The following DNAH7 variants were observed in gnomAD, a reference collection of about 807,000 sequenced individuals.
DNAH7 encodes axonemal beta dynein heavy chain 7.
In DNAH7, 397 loss-of-function variants were observed where a neutral mutation model predicts 444.6. The ratio of observed to expected loss-of-function variants is 0.89; its 90% CI spans 0.82 to 0.97. The LOEUF (loss-of-function observed/expected upper bound fraction) is 0.97, where lower values mean the gene tolerates loss of function less well. Ranked by LOEUF, DNAH7 falls within the 50% of genes least tolerant of loss-of-function variation. DNAH7 has a pLI of 0.00. For missense variants in DNAH7, 4,902 were observed against 4,800.8 expected, an observed-to-expected ratio of 1.02 and a Z score of -0.62; for synonymous variants, 1,636 against 1,624.4, an observed-to-expected ratio of 1.01 and a Z score of -0.17.
intron 51 of DNAH7, among the ~76,000 whole-genome samples, chr2:195,815,668 CTTTCT>C (rs939889782): frequency 6.6e-5 from 10 of 152,194 alleles, no homozygotes; most frequent in Non-Finnish European, 1.5e-4. Context: ...TTATTAATTA[CTTTCT>C]TTTTTCAAAA....
At chr2:196,051,143 T>C in intron 3 of DNAH7, 44 bp downstream of exon 3, 1 of 1,558,718 alleles carries the variant, frequency 6.4e-7, no homozygotes, top group Non-Finnish European at 8.8e-7. Flanking sequence ...ATAAACATTT[T>C]TTGAAGCACA....
intron 63 of DNAH7, among the ~76,000 whole-genome samples, chr2:195,745,240 G>T (rs545502556): frequency 6.6e-6 from 1 of 152,212 alleles, no homozygotes; most frequent in African/African-American, 2.4e-5. Context: ...CGATCAACTG[G>T]AAGAAAGGGT....
chr2:195,806,649 C>T (rs1696725312), intron 54 of DNAH7, 91 bp downstream of exon 54: 2 of 1,025,456 alleles, frequency 2.0e-6, no homozygotes, highest in Non-Finnish European at 2.9e-6. Flanking sequence ...CTCTACCTCC[C>T]CCATGATTAC....
At chr2:195,964,573 C>G (rs955867081) in intron 17 of DNAH7, among the ~76,000 whole-genome samples, 2 of 132,676 alleles carry the variant, frequency 1.5e-5, no homozygotes, top group African/African-American at 5.7e-5. Flanking sequence ...TTTCCAACTA[C>G]AAGATCATAT....
chr2:196,045,407 C>A (rs1039406068), intron 5 of DNAH7, among the ~76,000 whole-genome samples: 7 of 151,650 alleles, frequency 4.6e-5, no homozygotes, highest in African/African-American at 1.7e-4. Context: ...AAAGAAAGAG[C>A]AAACTACTAA....
intron 47 of DNAH7, among the ~76,000 whole-genome samples, chr2:195,841,863 T>C (rs1009652261): frequency 6.6e-6 from 1 of 151,946 alleles, no homozygotes; most frequent in African/African-American, 2.4e-5. Flanking sequence ...CTAGAGAGGA[T>C]TGTTATTTGG....
At chr2:195,924,661 T>C (rs553192263) in intron 22 of DNAH7, among the ~76,000 whole-genome samples, 8 of 148,600 alleles carry the variant, frequency 5.4e-5, no homozygotes, top group Non-Finnish European at 1.0e-4. Context: ...GAGGTCCTGA[T>C]TCTGACTGTT....
intron 47 of DNAH7, among the ~76,000 whole-genome samples, chr2:195,838,151 C>A (rs1174863266): frequency 2.0e-5 from 3 of 152,080 alleles, no homozygotes; most frequent in South Asian, 2.1e-4. Flanking sequence ...GCTTACAAAT[C>A]TGAACTGACA....
At chr2:195,936,007 A>G (rs1483513371) in intron 20 of DNAH7, among the ~76,000 whole-genome samples, 2 of 152,220 alleles carry the variant, frequency 1.3e-5, no homozygotes, top group African/African-American at 4.8e-5. Flanking sequence ...GCAAACCATC[A>G]TGAGAGCAGT....
At chr2:195,758,570 C>T (rs1314785505) in intron 61 of DNAH7, among the ~76,000 whole-genome samples, 1 of 152,192 alleles carries the variant, frequency 6.6e-6, no homozygotes, top group African/African-American at 2.4e-5. Flanking sequence ...AAAGCAACTT[C>T]ATAAGAACCA....
intron 2 of DNAH7, among the ~76,000 whole-genome samples, chr2:196,053,901 G>A (rs1262644222): frequency 6.6e-6 from 1 of 152,214 alleles, no homozygotes; most frequent in Non-Finnish European, 1.5e-5. Context: ...GGAGTTAAGA[G>A]CTGGTGTGCT....
rs139262062 is a variant in DNAH7, at chr2:195,775,942, G to C, written c.11106C>G (p.Thr3702=). Residue 3702 remains threonine, a synonymous_variant, in exon 60 of 65, where the codon ACC becomes ACG. Coordinates refer to ENST00000312428, the MANE Select transcript of DNAH7 (RefSeq NM_018897.3). ...YIEYTKTLPL[T]PAPEIFGMNA... ...TCATCCCAAAGATTTCTGGTGCTGGGGTCAGTGGCAGAGTCTTTGTGTATT... is the reference window on the plus strand; with the variant it reads ...TCATCCCAAAGATTTCTGGTGCTGGCGTCAGTGGCAGAGTCTTTGTGTATT... 575 of 1,614,152 alleles carry C rather than the reference G, an allele frequency of 3.6e-4. 1 individual carries two copies. In the East Asian group the frequency reaches 0.012, roughly 33 times the overall value.
intron 17 of DNAH7, among the ~76,000 whole-genome samples, chr2:195,964,866 GACTCCGTCTCAAAAAAAA>G (rs1487847362): frequency 1.4e-5 from 2 of 144,524 alleles, no homozygotes; most frequent in East Asian, 3.9e-4. Context: ...GACAGAGTGA[GACTCCGTCTCAAAAAAAA>G]AAAAAAAGTT....
intron 2 of DNAH7, among the ~76,000 whole-genome samples, chr2:196,056,198 A>T (rs997634095): frequency 2.0e-5 from 3 of 152,060 alleles, no homozygotes; most frequent in South Asian, 2.1e-4. Context: ...TAATCCCAGC[A>T]CTTTGGGAGG....
chr2:195,749,336 G>A (rs1299661647), intron 63 of DNAH7, among the ~76,000 whole-genome samples: 4 of 150,284 alleles, frequency 2.7e-5, no homozygotes, highest in South Asian at 4.2e-4. Flanking sequence ...GAAACAACAG[G>A]TGCTGGAGAG....
At chr2:195,897,891 T>C (rs958747182) in intron 28 of DNAH7, 126 bp from the exon 29 acceptor site, 1 of 487,988 alleles carries the variant, frequency 2.0e-6, no homozygotes, top group East Asian at 3.2e-5. Flanking sequence ...AGCTCTTCTT[T>C]CTTTATATTG....
chr2:195,925,146 T>C (rs1307027013), intron 22 of DNAH7, among the ~76,000 whole-genome samples: 1 of 152,234 alleles, frequency 6.6e-6, no homozygotes, highest in Non-Finnish European at 1.5e-5. Flanking sequence ...TTTATTTTTT[T>C]TTTTAAGAAA....
Position 195,923,796 on chromosome 2 carries a change from T to C in DNAH7, c.3624A>G (p.Gln1208=), listed in dbSNP as rs772459954. Residue 1208 remains glutamine (Q), a synonymous_variant, in exon 23 of 65, where the codon CAA becomes CAG. Coordinates refer to ENST00000312428, the MANE Select transcript of DNAH7 (RefSeq NM_018897.3). ...TTTGTCTGTTACATGTTTTCAAGTA[T>C]TGCTCAAGAGCCTGAAAGAAAAGAA... ...AIPMGIKALE[Q]YLKTCNRQID... is the part of the protein sequence containing the mutation. The C allele has an allele frequency of 1.9e-6, 3 of 1,614,054 alleles. No homozygotes were observed. The highest frequency in any genetic ancestry group is 2.5e-6 in the Non-Finnish European group (3 of 1,179,966).
chr2:195,933,161 C>T (rs931213892), intron 21 of DNAH7, among the ~76,000 whole-genome samples: 1 of 152,166 alleles, frequency 6.6e-6, no homozygotes, highest in Non-Finnish European at 1.5e-5. Flanking sequence ...TGCTCATCAT[C>T]ACTGGCCATC....
Sources: allele counts gnomAD v4.1 joint callset (sites outside exome capture counted in the v4.1 genomes callset), GRCh38; gene constraint gnomAD v4.1.1; transcripts MANE v1.5; gene names NCBI Gene and HGNC (gene_info 2026-07-23, HGNC 2026-07-21).